Variants in PPARD observed in about 807,000 individuals in gnomAD.
The protein encoded by PPARD is peroxisome proliferator activated receptor delta.
In PPARD, 6 loss-of-function variants were observed where a neutral mutation model predicts 39.5. The observed-to-expected ratio is 0.15, with a 90% confidence interval of 0.08 to 0.30. The LOEUF is 0.30. Among genes scored for constraint, PPARD ranks in the 10% least tolerant of loss-of-function variants. The probability of loss-of-function intolerance (pLI) is 1.00; values close to 1 mark genes in which losing one functional copy is unlikely to be tolerated. For synonymous variants in PPARD, 210 were observed against 231.3 expected (o/e 0.91, Z 0.83); for missense variants, 397 against 596.8 (o/e 0.67, Z 3.49).
At chr6:35,416,201 G>T (rs891429046) in intron 3 of PPARD, among the ~76,000 whole-genome samples, 2 of 151,714 alleles carry the variant, frequency 1.3e-5, no homozygotes, top group African/African-American at 4.8e-5. Flanking sequence ...AGCCAACATG[G>T]TGAAACCCCA....
At chr6:35,422,045 G>T in intron 5 of PPARD, 87 bp downstream of exon 5, 2 of 1,456,228 alleles carry the variant, frequency 1.4e-6, no homozygotes, top group Non-Finnish European at 1.8e-6. Context: ...CAGCCTAGAG[G>T]GGGCACCTGT....
chr6:35,358,939 C>T (rs573884674), intron 2 of PPARD, among the ~76,000 whole-genome samples: 2 of 152,308 alleles, frequency 1.3e-5, no homozygotes, highest in South Asian at 4.1e-4. Flanking sequence ...AAGTCAACAG[C>T]ATGTGAGATG....
At position 35,360,496 on chromosome 6, in the gene PPARD, G is replaced by A. The variant is rs114320566; in HGVS notation, c.-102+13346G>A. 5.2e-3 allele frequency among the ~76,000 whole-genome samples: 791 copies of A among 152,282 alleles called. 5 individuals carry two copies. Among genetic ancestry groups the A allele is most frequent in the African/African-American group, 0.015 (616 of 41,544 alleles). On this transcript the variant is annotated intron_variant, in intron 2 of 7. Coordinates refer to ENST00000360694, the MANE Select transcript of PPARD (RefSeq NM_006238.5). The stretch of plus-strand genomic sequence containing the variant: ...GGTGTAGGATCAGAGAGGTTAACTC[G>A]CCCAAGTCAAACAGCTAACAAGTGG...
intron 3 of PPARD, among the ~76,000 whole-genome samples, chr6:35,414,421 C>CT (rs1441827678): frequency 6.6e-6 from 1 of 152,252 alleles, no homozygotes; most frequent in African/African-American, 2.4e-5. Flanking sequence ...GGCAACTGTA[C>CT]TTTTTTTAAG....
chr6:35,367,987 C>T (rs1007139693), intron 2 of PPARD, among the ~76,000 whole-genome samples: 5 of 152,212 alleles, frequency 3.3e-5, no homozygotes, highest in African/African-American at 9.6e-5. Context: ...GTAGTGGATA[C>T]CTGGATTTGA....
chr6:35,354,292 C>A (rs867673514), intron 2 of PPARD, among the ~76,000 whole-genome samples: 7,985 of 142,586 alleles, frequency 0.056, 573 homozygotes, highest in African/African-American at 0.16. Flanking sequence ...CTTTAGTACT[C>A]ATACAACCAT....
intron 3 of PPARD, among the ~76,000 whole-genome samples, chr6:35,417,018 C>A (rs1321396748): frequency 6.6e-6 from 1 of 151,992 alleles, no homozygotes; most frequent in African/African-American, 2.4e-5. Context: ...GTTCTGTCAC[C>A]ACAGGCTGGA....
At chr6:35,374,309 G>GGGT (rs1554205492) in intron 2 of PPARD, among the ~76,000 whole-genome samples, 1 of 125,680 alleles carries the variant, frequency 8.0e-6, no homozygotes, top group East Asian at 1.9e-4. Context: ...TCTCGGCGGT[G>GGGT]GGGCGGGGGG....
chr6:35,382,682 T>G (rs1280020516), intron 2 of PPARD, among the ~76,000 whole-genome samples: 2 of 152,156 alleles, frequency 1.3e-5, no homozygotes, highest in African/African-American at 2.4e-5. Context: ...TCCCAGCCCC[T>G]AAGGAGTTTG....
At chr6:35,360,709 T>G (rs1244422665) in intron 2 of PPARD, among the ~76,000 whole-genome samples, 2 of 152,260 alleles carry the variant, frequency 1.3e-5, no homozygotes, top group African/African-American at 4.8e-5. Flanking sequence ...GGGCCCTGCC[T>G]AAGCTAGCAG....
At chr6:35,408,207 T>A (rs1477596647) in intron 2 of PPARD, among the ~76,000 whole-genome samples, 1 of 152,178 alleles carries the variant, frequency 6.6e-6, no homozygotes, top group Non-Finnish European at 1.5e-5. Flanking sequence ...GGCAGAAGTT[T>A]GTCTCTCTAT....
intron 2 of PPARD, among the ~76,000 whole-genome samples, chr6:35,385,156 CG>C (rs1361542183): frequency 2.1e-5 from 3 of 145,080 alleles, no homozygotes; most frequent in African/African-American, 5.3e-5. Context: ...TCATTGAGAA[CG>C]GGCCAGGATG....
chr6:35,358,372 A>G (rs1369483270), intron 2 of PPARD, among the ~76,000 whole-genome samples: 3 of 152,226 alleles, frequency 2.0e-5, no homozygotes, highest in Non-Finnish European at 4.4e-5. Context: ...CAGTGAAACT[A>G]ATTTTGAATT....
intron 2 of PPARD, among the ~76,000 whole-genome samples, chr6:35,370,842 G>GCT (rs900104664): frequency 2.0e-4 from 30 of 152,344 alleles, no homozygotes; most frequent in African/African-American, 6.7e-4. Flanking sequence ...TGGCAAGGCA[G>GCT]CTCTTGTGTG....
chr6:35,365,127 A>ATTTTTTTTTTT (rs1762134626), intron 2 of PPARD, among the ~76,000 whole-genome samples: 1 of 108,670 alleles, frequency 9.2e-6, no homozygotes, highest in Non-Finnish European at 1.8e-5. Flanking sequence ...GAGCTTCCTT[A>ATTTTTTTTTTT]TTCTTTTTTT....
chr6:35,383,927 G>C (rs571705035), intron 2 of PPARD, among the ~76,000 whole-genome samples: 1 of 135,590 alleles, frequency 7.4e-6, no homozygotes, highest in Non-Finnish European at 1.5e-5. Context: ...CACCCCGTCC[G>C]GGAGGGAGGT....
At chr6:35,362,959 C>CAGTA (rs2150501118) in intron 2 of PPARD, among the ~76,000 whole-genome samples, 1 of 152,352 alleles carries the variant, frequency 6.6e-6, no homozygotes, top group East Asian at 1.9e-4. Flanking sequence ...CTACTGTGCT[C>CAGTA]TACTGACACC....
At chr6:35,407,106 C>T (rs192329667) in intron 2 of PPARD, among the ~76,000 whole-genome samples, 1 of 152,302 alleles carries the variant, frequency 6.6e-6, no homozygotes, top group Admixed American at 6.5e-5. Flanking sequence ...GGAGCTCCAT[C>T]AGGTCTTCCC....
rs796756157 is a variant in PPARD at position 35,397,597 on chromosome 6, C to T, written c.-101-13390C>T. ...ATCTCTACAGGACTGCTTCAAGGTG[C>T]GTGGTGAACAGACGTCTTTTTGCAA... On this transcript the variant is annotated intron_variant, in intron 2 of 7. Coordinates refer to ENST00000360694, the MANE Select transcript of PPARD (RefSeq NM_006238.5). 8.2e-6 allele frequency: 8 copies of T among 975,238 alleles called. 1 individual carries two copies. In the African/African-American group the frequency reaches 1.1e-4, roughly 13 times the overall value. The allele number at this position is 975,238 out of a possible 1,614,324, so 60.4% of individuals were successfully genotyped here.
Sources: gnomAD v4.1 joint callset for allele counts (sites outside exome capture counted in the v4.1 genomes callset) on GRCh38, gnomAD v4.1.1 for gene constraint, MANE v1.5 for transcripts, NCBI Gene and HGNC (gene_info 2026-07-23, HGNC 2026-07-21) for gene names.